The following SASH1 variants were observed in gnomAD, a reference collection of about 807,000 sequenced individuals.
SASH1 encodes the protein SAM and SH3 domain containing 1.
SASH1 carries 44 observed loss-of-function variants against 125.2 expected under a neutral mutation model. The observed-to-expected ratio is 0.35, with a 90% CI of 0.28 to 0.45. The LOEUF (loss-of-function observed/expected upper bound fraction) is 0.45, where lower values mean the gene tolerates loss of function less well. Ranked by LOEUF, SASH1 falls within the 20% of genes least tolerant of loss-of-function variation. The pLI, the probability that SASH1 is intolerant of heterozygous loss-of-function variation, is 1.00. For synonymous variants in SASH1, 639 were observed against 649.1 expected (o/e 0.98, Z 0.24); for missense variants, 1,426 against 1,614.5 (o/e 0.88, Z 2.00).
rs1554267569 is a variant in SASH1 at position 148,514,457 on chromosome 6, GTAAAA to G, written c.862+2_862+6del. On this transcript the variant is annotated splice_donor_variant and splice_donor_5th_base_variant and intron_variant, in intron 9 of 19. Transcript: ENST00000367467. LOFTEE classifies it high-confidence loss of function. ...GAAATGAAAAAACCCAGCACTGAAG[GTAAAA>G]AAAAAAAAAAAAAAAAAAAAAAAAG... The G allele has an allele frequency of 4.7e-6, 1 of 213,840 alleles. No individual in the cohort carries two copies. The highest frequency in any genetic ancestry group is 6.3e-6 in the Non-Finnish European group (1 of 158,180). The allele number at this position is 213,840 out of a possible 1,614,324, so 13.2% of individuals were successfully genotyped here.
Position 148,547,739 on chromosome 6 carries a change from G to A in SASH1, c.3481-556G>A, listed in dbSNP as rs138462552. Among the ~76,000 whole-genome samples, 1,462 of 152,256 alleles carry A rather than the reference G, an allele frequency of 9.6e-3. 17 individuals carry two copies. The highest frequency in any genetic ancestry group is 0.033 in the African/African-American group (1,380 of 41,526). ...TTAGCAAATCACCTTTCTGAAAGGTGCAGGCCCTTTATATACCCAGTAGTC... is the reference window on the plus strand; with the variant it reads ...TTAGCAAATCACCTTTCTGAAAGGTACAGGCCCTTTATATACCCAGTAGTC... On this transcript the variant is annotated intron_variant, in intron 19 of 19. Transcript: ENST00000367467.
At chr6:148,196,893 G>A in the SASH1 span, among the ~76,000 whole-genome samples, 2 of 121,802 alleles carry the variant, frequency 1.6e-5, no homozygotes, top group African/African-American at 6.9e-5. Context: ...GAGAGGGATA[G>A]GCATCCAGAT....
intron 1 of SASH1, among the ~76,000 whole-genome samples, chr6:148,313,353 G>A (rs1366918723): frequency 6.6e-6 from 1 of 152,074 alleles, no homozygotes; most frequent in Non-Finnish European, 1.5e-5. Flanking sequence ...AATGCAAGTG[G>A]GGGATGGCTC....
At chr6:148,416,040 A>G (rs377000927) in intron 2 of SASH1, among the ~76,000 whole-genome samples, 3 of 152,240 alleles carry the variant, frequency 2.0e-5, no homozygotes, top group African/African-American at 7.2e-5. Flanking sequence ...TAACTGCCCA[A>G]GCAAGTCTGT....
intron 1 of SASH1, among the ~76,000 whole-genome samples, chr6:148,290,380 G>A (rs1323411628): frequency 1.3e-5 from 2 of 151,698 alleles, no homozygotes; most frequent in East Asian, 2.0e-4. Context: ...GCCGAGGCGG[G>A]CAGATCACGA....
chr6:148,238,401 T>C, the SASH1 span, among the ~76,000 whole-genome samples: 867 of 152,102 alleles, frequency 5.7e-3, 6 homozygotes, highest in African/African-American at 0.02. Context: ...TTTTTGTATT[T>C]TTAGTAGAGA....
intron 6 of SASH1, among the ~76,000 whole-genome samples, chr6:148,472,970 C>G (rs1778183558): frequency 6.6e-6 from 1 of 152,182 alleles, no homozygotes; most frequent in African/African-American, 2.4e-5. Context: ...GTAACATGTC[C>G]TTCCCCACAC....
At chr6:148,260,796 C>CCT in the SASH1 span, among the ~76,000 whole-genome samples, 1 of 104,072 alleles carries the variant, frequency 9.6e-6, no homozygotes, top group Non-Finnish European at 1.8e-5. Context: ...CCTATAAGGG[C>CCT]TTTTTTTTTT....
At chr6:148,416,005 G>A (rs540656303) in intron 2 of SASH1, among the ~76,000 whole-genome samples, 24 of 152,162 alleles carry the variant, frequency 1.6e-4, no homozygotes, top group African/African-American at 5.8e-4. Context: ...CACACTTCAA[G>A]CCTACATCCA....
intron 1 of SASH1, among the ~76,000 whole-genome samples, chr6:148,312,155 T>C (rs182277475): frequency 1.2e-3 from 178 of 152,312 alleles, no homozygotes; most frequent in Middle Eastern, 6.8e-3. Context: ...ACGAGTTGAC[T>C]GTTAAATAGC....
chr6:148,220,113 A>T, the SASH1 span, among the ~76,000 whole-genome samples: 1 of 152,184 alleles, frequency 6.6e-6, no homozygotes, highest in Admixed American at 6.5e-5. Context: ...TGCCACTGTA[A>T]CAAAATACCA....
At chr6:148,326,327 T>TATATATATATATAG (rs1277000328) in intron 1 of SASH1, among the ~76,000 whole-genome samples, 1 of 60,574 alleles carries the variant, frequency 1.7e-5, no homozygotes, top group Non-Finnish European at 3.1e-5. Flanking sequence ...CGCATGCATA[T>TATATATATATATAG]ATATATATAT....
In SASH1 at chr6:148,431,996, G is replaced by T. The variant is rs565375111; in HGVS notation, c.286-8188G>T. ...ATATAATTTTTTTTTTTTTTTTTGA[G>T]ACTGAATTTCACTCTTGTTGCCCAG... On this transcript the variant is annotated intron_variant, in intron 2 of 19. Coordinates refer to ENST00000367467, the MANE Select transcript of SASH1 (RefSeq NM_015278.5). Among the ~76,000 whole-genome samples, 5 of 142,780 alleles carry T rather than the reference G, an allele frequency of 3.5e-5. No homozygotes were observed. In the East Asian group the frequency reaches 1.0e-3, roughly 29 times the overall value. The allele number at this position is 142,780 out of a possible 152,430, so 93.7% of individuals were successfully genotyped here. A position where few individuals can be genotyped will look rare whatever the true frequency, so the allele number is the denominator to read the frequency against.
intron 16 of SASH1, 71 bp from the exon 17 acceptor site, chr6:148,540,372 G>T: frequency 8.5e-7 from 1 of 1,182,658 alleles, no homozygotes; most frequent in Non-Finnish European, 1.2e-6. Context: ...GGATAAAGTC[G>T]AGATCTGTTG....
At chr6:148,348,877 G>A (rs546755526) in intron 1 of SASH1, among the ~76,000 whole-genome samples, 1 of 152,362 alleles carries the variant, frequency 6.6e-6, no homozygotes, top group Admixed American at 6.5e-5. Context: ...CGGTCGCTGA[G>A]TATATACCCA....
At chr6:148,341,935 A>C (rs118061119), upstream of SASH1, among the ~76,000 whole-genome samples, 1,630 of 152,298 alleles carry the variant, frequency 0.011, 16 homozygotes, top group Non-Finnish European at 0.015. Flanking sequence ...AAAAGGGAAA[A>C]ATCACCTCTC....
chr6:148,454,143 G>GTC lies in SASH1; in HGVS notation c.386+13736_386+13737insTC, dbSNP rs573176890. Among the ~76,000 whole-genome samples, 111 of 152,296 alleles carry GTC rather than the reference G, an allele frequency of 7.3e-4. 3 individuals are homozygous for GTC. The East Asian group carries it at 0.021, about 29-fold the overall frequency. ...GCGAGGCTTCAGCTTCGCGGGTGCA[G>GTC]AGGGCCTGCAGGAGTTGTTGACGTC... On this transcript the variant is annotated intron_variant, in intron 4 of 19. Transcript: ENST00000367467.
At chr6:148,277,388 G>A (rs972009899) in intron 1 of SASH1, among the ~76,000 whole-genome samples, 2 of 152,210 alleles carry the variant, frequency 1.3e-5, no homozygotes, top group Admixed American at 6.5e-5. Flanking sequence ...GAGACATTGG[G>A]TTCACCGTGC....
the SASH1 span, chr6:148,239,847 C>A: frequency 6.6e-6 from 1 of 152,168 alleles, no homozygotes; most frequent in Admixed American, 6.5e-5. Flanking sequence ...GCCTAGGGAA[C>A]ACCTAAACTT....
Sources: allele counts gnomAD v4.1 joint callset (sites outside exome capture counted in the v4.1 genomes callset), GRCh38; gene constraint gnomAD v4.1.1; transcripts MANE v1.5; gene names NCBI Gene and HGNC (gene_info 2026-07-23, HGNC 2026-07-21).